Variants in RNF150 observed in about 807,000 individuals in gnomAD.
The protein encoded by RNF150 is ring finger protein 150.
In RNF150, 24 loss-of-function variants were observed where a neutral mutation model predicts 39.3. That is an observed-to-expected ratio of 0.61 (90% CI 0.44 to 0.86). The LOEUF is 0.86. RNF150 is among the 40% of genes least tolerant of loss of function. RNF150 has a pLI of 0.00. For missense variants in RNF150, 502 were observed against 587.8 expected (o/e 0.85, Z 1.51); for synonymous variants, 255 against 227.3 (o/e 1.12, Z -1.10).
At chr4:140,918,557 A>G (rs1730951959) in intron 5 of RNF150, among the ~76,000 whole-genome samples, 1 of 152,044 alleles carries the variant, frequency 6.6e-6, no homozygotes. Context: ...CTTACCAACC[A>G]AAAAGAGTCC....
chr4:141,171,455 AC>A (rs1386859048), intron 1 of RNF150, among the ~76,000 whole-genome samples: 16 of 89,026 alleles, frequency 1.8e-4, no homozygotes, highest in Non-Finnish European at 2.3e-4. Flanking sequence ...TGAGAGACAG[AC>A]AGAAAGAGAG....
chr4:140,961,214 T>C (rs563220681), intron 2 of RNF150, among the ~76,000 whole-genome samples: 53 of 152,326 alleles, frequency 3.5e-4, no homozygotes, highest in South Asian at 1.0e-3. Context: ...GGGAGGCTTA[T>C]AATGTGAAGA....
intron 3 of RNF150, 124 bp downstream of exon 3, chr4:140,949,177 G>T: frequency 1.6e-6 from 1 of 636,828 alleles, no homozygotes; most frequent in Non-Finnish European, 2.7e-6. Flanking sequence ...AACAGATACT[G>T]ATAGGACAAC....
At chr4:140,913,628 C>G (rs1730703059) in intron 5 of RNF150, among the ~76,000 whole-genome samples, 1 of 152,210 alleles carries the variant, frequency 6.6e-6, no homozygotes, top group Non-Finnish European at 1.5e-5. Flanking sequence ...GCAAGCACTT[C>G]ATAAGGTACT....
chr4:141,170,923 CT>C (rs1727706070), intron 1 of RNF150, among the ~76,000 whole-genome samples: 1 of 152,116 alleles, frequency 6.6e-6, no homozygotes, highest in African/African-American at 2.4e-5. Flanking sequence ...TGTTCCAAGG[CT>C]GATTTTTAGT....
At chr4:140,962,433 A>G (rs1490899393) in intron 2 of RNF150, among the ~76,000 whole-genome samples, 3 of 151,470 alleles carry the variant, frequency 2.0e-5, no homozygotes, top group Non-Finnish European at 1.5e-5. Flanking sequence ...ATATTTCTTC[A>G]TATGTATTCA....
rs1272510239 is a variant in RNF150 at position 140,861,054 on chromosome 4, C to G, written c.*7207G>C. ...CTATAAAAATAACAGTCCCTCCCCACTCCCACCCCTACATCTCCTTCTAAT... is the reference window on the plus strand; with the variant it reads ...CTATAAAAATAACAGTCCCTCCCCAGTCCCACCCCTACATCTCCTTCTAAT... On this transcript the variant is annotated 3_prime_UTR_variant, in exon 7 of 7. Coordinates refer to ENST00000515673, the MANE Select transcript of RNF150 (RefSeq NM_020724.2). 6.6e-6 allele frequency: 1 copy of G among 152,104 alleles called. No individual in the cohort carries two copies. Among genetic ancestry groups the G allele is most frequent in the Non-Finnish European group, 1.5e-5 (1 of 68,022 alleles). The allele number at this position is 152,104 out of a possible 1,614,324, so 9.4% of individuals were successfully genotyped here.
chr4:140,975,185 G>A (rs1227902930), intron 1 of RNF150, among the ~76,000 whole-genome samples: 2 of 152,162 alleles, frequency 1.3e-5, no homozygotes, highest in Admixed American at 1.3e-4. Context: ...GAGCCTGGTA[G>A]GTCGAGGAGC....
intron 1 of RNF150, among the ~76,000 whole-genome samples, chr4:141,204,917 G>T (rs973007899): frequency 4.6e-5 from 7 of 152,006 alleles, no homozygotes; most frequent in Non-Finnish European, 1.0e-4. Context: ...CAAAACTCAG[G>T]AGTATTTTTG....
At chr4:140,878,268 T>G (rs144479921) in intron 6 of RNF150, among the ~76,000 whole-genome samples, 255 of 135,658 alleles carry the variant, frequency 1.9e-3, no homozygotes, top group African/African-American at 6.6e-3. Flanking sequence ...CCTCCCAGGC[T>G]CAAGCAATTC....
chr4:140,955,216 C>T (rs1470840110), intron 2 of RNF150, among the ~76,000 whole-genome samples: 2 of 152,094 alleles, frequency 1.3e-5, no homozygotes, highest in Non-Finnish European at 2.9e-5. Flanking sequence ...GATCACCACT[C>T]CACAAATCTA....
chr4:140,968,302 T>C (rs1420121234), intron 1 of RNF150, among the ~76,000 whole-genome samples: 2 of 151,906 alleles, frequency 1.3e-5, no homozygotes, highest in Non-Finnish European at 2.9e-5. Context: ...TGTCCTGTCT[T>C]ATGCCACCTG....
upstream of RNF150, among the ~76,000 whole-genome samples, chr4:141,133,786 G>A (rs544120486): frequency 6.6e-6 from 1 of 152,132 alleles, no homozygotes; most frequent in African/African-American, 2.4e-5. Flanking sequence ...CTGTCCTAAG[G>A]CCAAAGTGTA....
Position 140,911,182 on chromosome 4 carries a change from G to A in RNF150, c.1160C>T (p.Pro387Leu). 1 of 1,614,160 alleles carries A rather than the reference G, an allele frequency of 6.2e-7. No homozygotes were observed. The highest frequency in any genetic ancestry group is 8.5e-7 in the Non-Finnish European group (1 of 1,180,008). Residue 387 changes from proline to leucine, a missense_variant, in exon 6 of 7, where the codon CCC becomes CTC. By Grantham distance (98) the Pro-to-Leu change is moderately conservative. Coordinates refer to ENST00000515673, the MANE Select transcript of RNF150 (RefSeq NM_020724.2). Reference sequence around the variant, plus strand: ...GATGACGTCTCCCTCCTGGGGGATGGGGTCTGTATCCTGGACCACCTGCAA... The same window carrying A: ...GATGACGTCTCCCTCCTGGGGGATGAGGTCTGTATCCTGGACCACCTGCAA... The part of the protein sequence containing the change: ...GALQVVQDTD[P>L]IPQEGDVIFT...
intron 1 of RNF150, among the ~76,000 whole-genome samples, chr4:141,052,793 C>G (rs1301034685): frequency 1.3e-5 from 2 of 152,144 alleles, no homozygotes; most frequent in African/African-American, 4.8e-5. Context: ...TCAGCTCTAG[C>G]ATATTGTTGG....
chr4:140,956,692 G>C (rs1013421876), intron 2 of RNF150, among the ~76,000 whole-genome samples: 1 of 152,098 alleles, frequency 6.6e-6, no homozygotes, highest in African/African-American at 2.4e-5. Context: ...GCATGGTACT[G>C]GTACCAAAAC....
rs932545043 is a variant in RNF150, at chr4:140,913,950, T to C, written c.988-2596A>G. 1.3e-4 allele frequency among the ~76,000 whole-genome samples: 20 copies of C among 152,192 alleles called. 1 individual carries two copies. Among genetic ancestry groups the C allele is most frequent in the East Asian group, 1.2e-3 (6 of 5,200 alleles). On this transcript the variant is annotated intron_variant, in intron 5 of 6. Transcript: ENST00000515673. ...CAGGTGTTTATTAAGCAAAACTAACTGTGGGAGAGGTTTTCAGGAAGAAAA... is the reference window on the plus strand; with the variant it reads ...CAGGTGTTTATTAAGCAAAACTAACCGTGGGAGAGGTTTTCAGGAAGAAAA...
intron 6 of RNF150, among the ~76,000 whole-genome samples, chr4:140,901,772 T>C (rs916386931): frequency 1.3e-5 from 2 of 152,152 alleles, no homozygotes; most frequent in African/African-American, 4.8e-5. Context: ...AAGTAGATAA[T>C]TGTAAAAGAA....
At chr4:141,024,577 T>A (rs1735620888) in intron 1 of RNF150, among the ~76,000 whole-genome samples, 1 of 152,104 alleles carries the variant, frequency 6.6e-6, no homozygotes, top group African/African-American at 2.4e-5. Context: ...AAACAATGTA[T>A]TCTGAGCAAG....
Sources: allele counts gnomAD v4.1 joint callset (sites outside exome capture counted in the v4.1 genomes callset), GRCh38; gene constraint gnomAD v4.1.1; transcripts MANE v1.5; gene names NCBI Gene and HGNC (gene_info 2026-07-23, HGNC 2026-07-21).